PLEC: variants seen among roughly 807,000 people sequenced by gnomAD.
The protein encoded by PLEC is hemidesmosomal protein 1.
A neutral mutation model predicts 392.8 loss-of-function variants in PLEC; 216 were observed. The observed-to-expected ratio is 0.55, with a 90% CI of 0.49 to 0.62. The LOEUF (loss-of-function observed/expected upper bound fraction) is 0.62, where lower values mean the gene tolerates loss of function less well. Ranked by LOEUF, PLEC falls within the 20% of genes least tolerant of loss-of-function variation. PLEC has a pLI of 0.00. For missense variants in PLEC, 6,863 were observed against 6,563.4 expected (o/e 1.05, Z -1.58); for synonymous variants, 3,621 against 2,980.6 (o/e 1.21, Z -7.00).
chr8:143,927,129 C>T, intron 28 of PLEC, 48 bp from the exon 29 acceptor site: 1 of 1,566,504 alleles, frequency 6.4e-7, no homozygotes, highest in African/African-American at 1.3e-5. Context: ...CTCCGATGGC[C>T]CCTGCCCAGC....
intron 6 of PLEC, among the ~76,000 whole-genome samples, 185 bp from the exon 7 acceptor site, chr8:143,935,498 C>A (rs1554722473): frequency 6.6e-6 from 1 of 152,192 alleles, no homozygotes; most frequent in Non-Finnish European, 1.5e-5. Context: ...ACCCAGAAGC[C>A]CAGGGGCACA....
At chr8:143,967,945 T>C (rs1422944216) in intron 1 of PLEC, among the ~76,000 whole-genome samples, 1 of 152,044 alleles carries the variant, frequency 6.6e-6, no homozygotes, top group Non-Finnish European at 1.5e-5. Flanking sequence ...CTGGCCAACA[T>C]GGGGAAACCC....
At position 143,967,380 on chromosome 8, in the gene PLEC, A is replaced by G. The variant is rs1472810755; in HGVS notation, c.70+6023T>C. On this transcript the variant is annotated intron_variant, in intron 1 of 31. Coordinates refer to the PLEC transcript ENST00000356346. Reference sequence around the variant, plus strand: ...TCCATCTCAAAAAAAAAAAAAAAAAAAAAAAAAAAGAAACAGACAGAATTA... The same window carrying G: ...TCCATCTCAAAAAAAAAAAAAAAAAGAAAAAAAAAGAAACAGACAGAATTA... 2.6e-5 allele frequency among the ~76,000 whole-genome samples: 4 copies of G among 151,310 alleles called. 1 individual carries two copies. Among genetic ancestry groups the G allele is most frequent in the South Asian group, 4.2e-4 (2 of 4,810 alleles).
upstream of PLEC, chr8:143,975,524 C>G: frequency 1.5e-6 from 1 of 685,960 alleles, no homozygotes; most frequent in Non-Finnish European, 2.6e-6. The surrounding 1 kb of genome is among the most constrained non-coding windows in gnomAD (Gnocchi z 9.9). Context: ...CTCCTGCACT[C>G]TGCTGTACCC....
In PLEC at chr8:143,932,688, C is replaced by T; in HGVS notation, c.1762G>A (p.Gly588Ser). The change falls in exon 15 of 32, where the codon GGT becomes AGT. Residue 588 changes from glycine to serine, a missense_variant. Transcript: ENST00000345136. ...DEGQLSPATR[G>S]AYRDCLGRLD... ...CGACCCAGGCAGTCACGGTAGGCAC[C>T]CCGGGTGGCGGGGGAGAGCTGGCCC... is the stretch of plus-strand genomic sequence containing the variant. The T allele has an allele frequency of 1.2e-6, 2 of 1,608,888 alleles. No individual in the cohort carries two copies. Among genetic ancestry groups the T allele is most frequent in the Non-Finnish European group, 8.5e-7 (1 of 1,178,324 alleles).
Position 143,918,699 on chromosome 8 carries a change from G to C in PLEC, c.11122C>G (p.Gln3708Glu), listed in dbSNP as rs1437205283. ...CTCAGCAGCCCTTTCTTGAGAGCCT[G>C]GTAGATGCTCAGTGTCTGCCTGGAA... Reference protein sequence around the residue: ...PGSRQTLSIYQALKKGLLSAE... With the variant: ...PGSRQTLSIYEALKKGLLSAE... The change falls in exon 32 of 32, where the codon CAG (glutamine) becomes GAG (glutamate). Residue 3708 changes from glutamine (Q) to glutamate (E), a missense_variant. Gln to Glu is a conservative substitution (Grantham distance 29). Transcript: ENST00000345136. 19 of 1,612,848 alleles carry C rather than the reference G, an allele frequency of 1.2e-5. No individual in the cohort carries two copies. Among genetic ancestry groups the C allele is most frequent in the Non-Finnish European group, 1.6e-5 (19 of 1,179,998 alleles).
At chr8:143,937,984 G>A (rs782447107) in intron 3 of PLEC, among the ~76,000 whole-genome samples, 167 bp downstream of exon 3, 8 of 152,186 alleles carry the variant, frequency 5.3e-5, no homozygotes, top group Non-Finnish European at 8.8e-5. Flanking sequence ...CAGCCTGGGC[G>A]GGAGGTGCTG....
chr8:143,949,468 A>C (rs1220022653), intron 1 of PLEC, among the ~76,000 whole-genome samples: 1 of 152,142 alleles, frequency 6.6e-6, no homozygotes, highest in Non-Finnish European at 1.5e-5. Context: ...GGGCAGAGCA[A>C]AGGGTCTCTG....
At chr8:143,947,778 G>A (rs964903274) in intron 1 of PLEC, among the ~76,000 whole-genome samples, 1 of 152,088 alleles carries the variant, frequency 6.6e-6, no homozygotes, top group South Asian at 2.1e-4. Flanking sequence ...AAAATGAAAC[G>A]TAAATGAAAC....
At position 143,916,579 on chromosome 8, in the gene PLEC, G is replaced by A. The variant is rs200589588; in HGVS notation, c.13242C>T (p.Arg4414=). 6.1e-5 allele frequency: 99 copies of A among 1,611,302 alleles called. No individual in the cohort carries two copies. The highest frequency in any genetic ancestry group is 2.0e-4 in the Admixed American group (12 of 59,964). ...GTGCGGTGCGGGCGTCCACCGTGCC[G>A]CGCTGCAGGGCCTCGTCCAGGGGCA... is the stretch of plus-strand genomic sequence containing the variant. The part of the protein sequence containing the change: ...GRVPLDEALQ[R]GTVDARTAQK... The change falls in exon 32 of 32, where the codon CGC becomes CGT. Residue 4414 remains arginine (R), a synonymous_variant. Transcript: ENST00000345136.
chr8:143,950,820 G>A (rs918682777), exon 1 of PLEC: 40 of 1,496,680 alleles, frequency 2.7e-5, no homozygotes, highest in Non-Finnish European at 3.1e-5. Flanking sequence ...AGCGGGCAGC[G>A]GCAGGGCAGG....
intron 1 of PLEC, among the ~76,000 whole-genome samples, chr8:143,965,139 T>C (rs549459900): frequency 6.6e-6 from 1 of 152,076 alleles, no homozygotes; most frequent in South Asian, 2.1e-4. Context: ...CCTGGGGCCT[T>C]CCTTTCCTGC....
In PLEC at chr8:143,929,461, C is replaced by CCAGCGG. The variant is rs782308502; in HGVS notation, c.3028_3033dup (p.Pro1010_Leu1011dup). On this transcript the variant is annotated inframe_insertion, in exon 24 of 32. Transcript: ENST00000345136. ...GCACACTCCCGTGCCGGCTCTTTGT[C>CCAGCGG]CAGCGGCAGCCGCAGGCGGTGCACG... 55 of 1,595,096 alleles carry CCAGCGG rather than the reference C, an allele frequency of 3.4e-5. No individual in the cohort carries two copies. The South Asian group carries it at 3.7e-4, about 11-fold the overall frequency.
rs782788464 is a variant in PLEC at position 143,919,857 on chromosome 8, C to A, written c.9964G>T (p.Val3322Phe). The A allele has an allele frequency of 1.2e-6, 2 of 1,613,142 alleles. No individual in the cohort carries two copies. Among genetic ancestry groups the A allele is most frequent in the South Asian group, 1.1e-5 (1 of 91,086 alleles). ...VPASELLASG[V>F]LSRAQFEQLK... ...TGCTCAAACTGGGCTCTGCTGAGGA[C>A]CCCGGAAGCCAGGAGCTCGCTGGCT... Residue 3322 changes from valine (V) to phenylalanine (F), a missense_variant, in exon 32 of 32, where the codon GTC becomes TTC. Val to Phe is a conservative substitution (Grantham distance 50). Coordinates refer to ENST00000345136, the MANE Select transcript of PLEC (RefSeq NM_201384.3).
chr8:143,971,428 C>G (rs1554744293), intron 1 of PLEC, among the ~76,000 whole-genome samples: 1 of 152,134 alleles, frequency 6.6e-6, no homozygotes, highest in African/African-American at 2.4e-5. Context: ...GGCTGGCTGG[C>G]AAGGGGTGCC....
chr8:143,938,488 A>G, intron 2 of PLEC, 143 bp downstream of exon 2: 1 of 1,558,278 alleles, frequency 6.4e-7, no homozygotes, highest in Non-Finnish European at 8.7e-7. Context: ...TAGGGAAGAA[A>G]GAGGACAGAA....
intron 1 of PLEC, among the ~76,000 whole-genome samples, chr8:143,948,489 G>A (rs7832643): frequency 1.3e-5 from 2 of 152,180 alleles, no homozygotes; most frequent in Admixed American, 6.5e-5. Flanking sequence ...CATCCGAGCC[G>A]CCTCCTTCCC....
Position 143,973,455 on chromosome 8 carries a change from G to A in PLEC, c.18C>T (p.Pro6=), listed in dbSNP as rs376768928. The A allele has an allele frequency of 5.9e-6, 9 of 1,517,384 alleles. No homozygotes were observed. In the Middle Eastern group the frequency reaches 6.0e-4, roughly 101 times the overall value. The allele number at this position is 1,517,384 out of a possible 1,614,324, so 94.0% of individuals were successfully genotyped here. Residue 6 remains proline (P), a synonymous_variant, in exon 1 of 32, where the codon CCC becomes CCT. Transcript: ENST00000356346. The surrounding 1 kb of genome is among the most constrained non-coding windows in gnomAD (Gnocchi z 5.6). ...AGGCCTGGATGAAGTCCTGCTCGTC[G>A]GGCAGCGGGCCGGCCATGCCGGCGG...
In PLEC at chr8:143,925,380, G is replaced by A. The variant is rs987121972; in HGVS notation, c.4549C>T (p.Leu1517=). 23 of 1,572,926 alleles carry A rather than the reference G, an allele frequency of 1.5e-5. No homozygotes were observed. Among genetic ancestry groups the A allele is most frequent in the Non-Finnish European group, 1.9e-5 (22 of 1,166,962 alleles). The change falls in exon 31 of 32, where the codon CTG becomes TTG. Residue 1517 remains leucine, a synonymous_variant. Coordinates refer to ENST00000345136, the MANE Select transcript of PLEC (RefSeq NM_201384.3). The part of the protein sequence containing the change: ...SQRKRQAEVE[L]ASRVKAEAEA... ...GCCTCGGCCTTCACGCGCGAGGCCA[G>A]CTCCACCTCCGCCTGCCGCTTACGC...
Sources: allele counts gnomAD v4.1 joint callset (sites outside exome capture counted in the v4.1 genomes callset), GRCh38; gene constraint gnomAD v4.1.1; non-coding constraint Gnocchi (gnomAD v3.1); transcripts MANE v1.5; gene names NCBI Gene and HGNC (gene_info 2026-07-23, HGNC 2026-07-21).